CCDC85A: variants seen among roughly 807,000 people sequenced by gnomAD.
CCDC85A encodes the protein coiled-coil domain-containing protein 85A.
A neutral mutation model predicts 50.2 loss-of-function variants in CCDC85A; 38 were observed. The ratio of observed to expected loss-of-function variants is 0.76; its 90% CI spans 0.58 to 0.99. CCDC85A has a LOEUF of 0.99. CCDC85A is among the 50% of genes least tolerant of loss of function. The pLI is 0.00. For missense variants in CCDC85A, 820 were observed against 742.0 expected, an observed-to-expected ratio of 1.11 and a Z score of -1.22; for synonymous variants, 366 against 301.4, an observed-to-expected ratio of 1.21 and a Z score of -2.22.
chr2:56,224,962 A>G (rs6545560), intron 2 of CCDC85A, among the ~76,000 whole-genome samples: 35,113 of 152,022 alleles, frequency 0.23, 4,630 homozygotes, highest in African/African-American at 0.32. Context: ...TTTTATTGCC[A>G]TGCTTTTAAA....
chr2:56,184,337 G>A lies in CCDC85A; in HGVS notation c.-288G>A, dbSNP rs905306650. ...CGAGGATTTCCCGCGGCAGCCCCGG[G>A]CTCCCCAGTGCCCCTCACCATGGAC... is the stretch of plus-strand genomic sequence containing the variant. On this transcript the variant is annotated 5_prime_UTR_variant, in exon 1 of 6. Coordinates refer to ENST00000407595, the MANE Select transcript of CCDC85A (RefSeq NM_001080433.2). 6 of 507,406 alleles carry A rather than the reference G, an allele frequency of 1.2e-5. No homozygotes were observed. Among genetic ancestry groups the A allele is most frequent in the South Asian group, 9.5e-5 (1 of 10,490 alleles). The allele number at this position is 507,406 out of a possible 1,614,324, so 31.4% of individuals were successfully genotyped here.
At chr2:56,324,907 G>A (rs1216669375) in intron 2 of CCDC85A, among the ~76,000 whole-genome samples, 1 of 152,006 alleles carries the variant, frequency 6.6e-6, no homozygotes, top group Non-Finnish European at 1.5e-5. Context: ...GGATTTAATA[G>A]TCTATTCATT....
intron 2 of CCDC85A, among the ~76,000 whole-genome samples, chr2:56,318,340 G>A (rs1673012010): frequency 6.6e-6 from 1 of 151,950 alleles, no homozygotes; most frequent in Admixed American, 6.6e-5. Flanking sequence ...CATCCACACT[G>A]CAGGGACTGT....
intron 2 of CCDC85A, among the ~76,000 whole-genome samples, chr2:56,236,780 T>A (rs1669034243): frequency 6.6e-6 from 1 of 152,266 alleles, no homozygotes; most frequent in Non-Finnish European, 1.5e-5. Context: ...TTCTTCATCA[T>A]TTTGGCCTCA....
chr2:56,315,697 A>G (rs1407612113), intron 2 of CCDC85A, among the ~76,000 whole-genome samples: 1 of 152,142 alleles, frequency 6.6e-6, no homozygotes, highest in African/African-American at 2.4e-5. Context: ...CTGCCAAAAT[A>G]GAAGGCTATA....
At chr2:56,289,141 C>A (rs1394731410) in intron 2 of CCDC85A, among the ~76,000 whole-genome samples, 3 of 152,178 alleles carry the variant, frequency 2.0e-5, no homozygotes, top group African/African-American at 4.8e-5. Context: ...CAGTAGGCAA[C>A]ACAGGACCCA....
intron 2 of CCDC85A, among the ~76,000 whole-genome samples, chr2:56,290,226 G>A (rs1671638901): frequency 6.6e-6 from 1 of 152,126 alleles, no homozygotes; most frequent in East Asian, 1.9e-4. Context: ...TGTCATCCTA[G>A]CTAGTTAATT....
intron 2 of CCDC85A, among the ~76,000 whole-genome samples, chr2:56,268,908 T>C (rs929624450): frequency 1.3e-5 from 2 of 152,210 alleles, no homozygotes; most frequent in Admixed American, 6.5e-5. Context: ...TAGAAAATTT[T>C]AGCTTTTATT....
chr2:56,278,567 A>G (rs978976353), intron 2 of CCDC85A, among the ~76,000 whole-genome samples: 1 of 151,762 alleles, frequency 6.6e-6, no homozygotes, highest in Non-Finnish European at 1.5e-5. Flanking sequence ...GTCTATTTTT[A>G]TTTTTTATTA....
Position 56,278,948 on chromosome 2 carries a change from A to G in CCDC85A, c.1241-63931A>G, listed in dbSNP as rs190625468. Among the ~76,000 whole-genome samples, 16 of 152,276 alleles carry G rather than the reference A, an allele frequency of 1.1e-4. 1 individual carries two copies. In the East Asian group the frequency reaches 2.5e-3, roughly 24 times the overall value. On this transcript the variant is annotated intron_variant, in intron 2 of 5. Transcript: ENST00000407595. ...AGTGTGTGTGTTAGGGATCAACAGG[A>G]GGCACGAGGGGGAAGGAACAAACCA...
intron 2 of CCDC85A, among the ~76,000 whole-genome samples, chr2:56,276,890 C>T (rs1429776764): frequency 6.6e-6 from 1 of 152,188 alleles, no homozygotes; most frequent in Non-Finnish European, 1.5e-5. Context: ...CTTAGCCAGG[C>T]ATCGTCTGTT....
intron 2 of CCDC85A, among the ~76,000 whole-genome samples, chr2:56,308,261 C>T (rs1672532813): frequency 6.6e-6 from 1 of 152,172 alleles, no homozygotes; most frequent in South Asian, 2.1e-4. Context: ...GTCTGTCCCT[C>T]TATAGAGACA....
chr2:56,320,834 T>C (rs992081131), intron 2 of CCDC85A, among the ~76,000 whole-genome samples: 20 of 151,588 alleles, frequency 1.3e-4, no homozygotes, highest in African/African-American at 4.1e-4. Flanking sequence ...AGAGACACAA[T>C]AAAAAAAGAG....
chr2:56,274,136 G>C (rs1180841088), intron 2 of CCDC85A, among the ~76,000 whole-genome samples: 2 of 152,124 alleles, frequency 1.3e-5, no homozygotes, highest in African/African-American at 2.4e-5. Flanking sequence ...GATCATTCAT[G>C]AAATATCTAT....
At chr2:56,186,171 T>A (rs569748078) in intron 1 of CCDC85A, among the ~76,000 whole-genome samples, 1 of 152,314 alleles carries the variant, frequency 6.6e-6, no homozygotes, top group African/African-American at 2.4e-5. Flanking sequence ...GGTAGGAAGA[T>A]TCCTCCAGTC....
chr2:56,333,909 T>C (rs1198803681), intron 2 of CCDC85A, among the ~76,000 whole-genome samples: 1 of 152,218 alleles, frequency 6.6e-6, no homozygotes, highest in Admixed American at 6.5e-5. Flanking sequence ...AACAGATTCC[T>C]GTCTCAAGCT....
chr2:56,341,258 CCA>C (rs1284153053), intron 2 of CCDC85A, among the ~76,000 whole-genome samples: 7 of 152,204 alleles, frequency 4.6e-5, no homozygotes, highest in African/African-American at 1.7e-4. Flanking sequence ...TCGCCCAACT[CCA>C]GAGATCTTAC....
intron 2 of CCDC85A, among the ~76,000 whole-genome samples, chr2:56,266,738 T>A (rs190381759): frequency 2.8e-4 from 43 of 152,268 alleles, no homozygotes; most frequent in African/African-American, 9.6e-4. Flanking sequence ...CTGTTGTTAT[T>A]TGAGTTTCTC....
At chr2:56,262,246 G>A (rs562260202) in intron 2 of CCDC85A, among the ~76,000 whole-genome samples, 1 of 151,972 alleles carries the variant, frequency 6.6e-6, no homozygotes, top group East Asian at 1.9e-4. Flanking sequence ...TAATGGAGGG[G>A]TAATTATTCT....
Sources: allele counts gnomAD v4.1 joint callset (sites outside exome capture counted in the v4.1 genomes callset), GRCh38; gene constraint gnomAD v4.1.1; transcripts MANE v1.5; gene names NCBI Gene and HGNC (gene_info 2026-07-23, HGNC 2026-07-21).